The following AUTS2 variants were observed in gnomAD, a reference collection of about 807,000 sequenced individuals.
AUTS2 encodes activator of transcription and developmental regulator AUTS2.
Under a neutral mutation model 112.4 loss-of-function variants are expected in AUTS2, and 17 were observed. That is an observed-to-expected ratio of 0.15 (90% CI 0.10 to 0.23). The LOEUF is 0.23. Among genes scored for constraint, AUTS2 ranks in the 10% least tolerant of loss-of-function variants. AUTS2 has a pLI of 1.00. For missense variants in AUTS2, 1,510 were observed against 1,701.6 expected (o/e 0.89, Z 1.98); for synonymous variants, 751 against 702.7 (o/e 1.07, Z -1.09).
At chr7:70,264,480 A>G (rs1242066609) in intron 4 of AUTS2, among the ~76,000 whole-genome samples, 1 of 152,226 alleles carries the variant, frequency 6.6e-6, no homozygotes, top group Non-Finnish European at 1.5e-5. Flanking sequence ...TGCTGGGATT[A>G]CAGGCATGAG....
intron 3 of AUTS2, among the ~76,000 whole-genome samples, chr7:70,133,468 T>C (rs1258214478): frequency 6.6e-6 from 1 of 152,170 alleles, no homozygotes. Context: ...GTTACTGCTG[T>C]CTGAAGTTTC....
In AUTS2 at chr7:70,763,091, C is replaced by T. The variant is rs1789671659; in HGVS notation, c.964C>T (p.Pro322Ser). ...CCAACTCCGAGCTCCTTCTCCGGAC[C>T]CTGACTTGGTGCAGCGCACAGAGGC... ...EPQLRAPSPD[P>S]DLVQRTEAPP... The change falls in exon 7 of 19, where the codon CCT (proline) becomes TCT (serine). Residue 322 changes from proline to serine, a missense_variant. This residue lies in a region of AUTS2 where 535 missense variants were observed against 594.3 expected (regional missense o/e 0.90). Coordinates refer to ENST00000342771, the MANE Select transcript of AUTS2 (RefSeq NM_015570.4). The T allele has an allele frequency of 3.1e-6, 5 of 1,614,116 alleles. No homozygotes were observed. The highest frequency in any genetic ancestry group is 1.3e-5 in the African/African-American group (1 of 75,038).
rs528925659 is a variant in AUTS2, at chr7:70,789,372, G to A, written c.2532-376G>A. Among the ~76,000 whole-genome samples the A allele has an allele frequency of 5.9e-5, 9 of 152,252 alleles. No individual in the cohort carries two copies. In the South Asian group the frequency reaches 1.9e-3, roughly 32 times the overall value. On this transcript the variant is annotated intron_variant, in intron 18 of 18. Transcript: ENST00000342771. ...GTGATTCTTTACACTAGATGATCCC[G>A]GGAGTCCAGACAGTCGGGCTGGATT...
intron 2 of AUTS2, among the ~76,000 whole-genome samples, chr7:69,953,824 C>G (rs761889098): frequency 3.9e-5 from 6 of 152,254 alleles, no homozygotes; most frequent in African/African-American, 1.4e-4. Context: ...TAGTACCCCC[C>G]CAACTACTTT....
intron 4 of AUTS2, among the ~76,000 whole-genome samples, chr7:70,213,061 A>G (rs1256405003): frequency 1.3e-5 from 2 of 152,150 alleles, no homozygotes; most frequent in East Asian, 1.9e-4. Flanking sequence ...AAAGATAAAT[A>G]TATCAGGTGA....
At chr7:69,717,678 A>G (rs1189088781) in intron 1 of AUTS2, among the ~76,000 whole-genome samples, 2 of 152,118 alleles carry the variant, frequency 1.3e-5, no homozygotes, top group African/African-American at 4.8e-5. Flanking sequence ...TGCTTTGTGA[A>G]GGGGGTGGAG....
intron 4 of AUTS2, among the ~76,000 whole-genome samples, chr7:70,384,808 A>G (rs1793534246): frequency 6.6e-6 from 1 of 152,226 alleles, no homozygotes; most frequent in East Asian, 1.9e-4. Flanking sequence ...GGTTCTGATC[A>G]AAGCTATCTT....
intron 2 of AUTS2, among the ~76,000 whole-genome samples, chr7:70,050,752 T>C (rs1211379649): frequency 1.3e-5 from 2 of 152,210 alleles, no homozygotes; most frequent in East Asian, 1.9e-4. Context: ...TCCAGCACTT[T>C]AGGAGGCCAA....
At chr7:70,581,147 C>T (rs1314320428) in intron 5 of AUTS2, among the ~76,000 whole-genome samples, 1 of 152,100 alleles carries the variant, frequency 6.6e-6, no homozygotes, top group East Asian at 1.9e-4. Flanking sequence ...CTTTGGGAGG[C>T]CGAGGCGGGC....
At chr7:69,602,038 ATATGTGTGTGTGTGTGTGTGTGTG>A (rs1434226434) in intron 1 of AUTS2, among the ~76,000 whole-genome samples, 31 of 10,056 alleles carry the variant, frequency 3.1e-3, no homozygotes, top group Non-Finnish European at 4.3e-3. Flanking sequence ...ATATATATAT[ATATGTGTGTGTGTGTGTGTGTGTG>A]TGTGTGTGTG....
chr7:69,824,363 C>T (rs1421618258), intron 1 of AUTS2, among the ~76,000 whole-genome samples: 3 of 151,248 alleles, frequency 2.0e-5, no homozygotes, highest in African/African-American at 7.3e-5. Context: ...GAGCCGAGAT[C>T]GCGCCACCGC....
chr7:70,508,517 A>G (rs1284304216), intron 5 of AUTS2, among the ~76,000 whole-genome samples: 4 of 152,020 alleles, frequency 2.6e-5, no homozygotes, highest in African/African-American at 4.8e-5. Flanking sequence ...TCTTTTCCTC[A>G]TCCTTCCTCC....
At chr7:70,594,441 G>C (rs1435393319) in intron 5 of AUTS2, among the ~76,000 whole-genome samples, 3 of 152,188 alleles carry the variant, frequency 2.0e-5, no homozygotes, top group Non-Finnish European at 4.4e-5. Context: ...GAGAACCGGT[G>C]ATTTGATAGC....
At chr7:70,378,419 A>C (rs1335117657) in intron 4 of AUTS2, among the ~76,000 whole-genome samples, 1 of 152,250 alleles carries the variant, frequency 6.6e-6, no homozygotes. Flanking sequence ...TAAAGAATTC[A>C]GTTATTAGCT....
intron 1 of AUTS2, among the ~76,000 whole-genome samples, chr7:69,654,264 C>T (rs567343833): frequency 6.6e-6 from 1 of 152,300 alleles, no homozygotes; most frequent in African/African-American, 2.4e-5. Context: ...CCCAGTCTTG[C>T]TTGATCTAGC....
At chr7:69,780,796 T>C (rs1789112942) in intron 1 of AUTS2, among the ~76,000 whole-genome samples, 1 of 152,204 alleles carries the variant, frequency 6.6e-6, no homozygotes, top group Non-Finnish European at 1.5e-5. Flanking sequence ...TTTCCACTCT[T>C]ACTTCATTGC....
In AUTS2 at chr7:70,339,729, G is replaced by C. The variant is rs1031265787; in HGVS notation, c.661-96023G>C. ...ACATGTTTGACTGATTTAAGTCTCA[G>C]ATTGTTCAAGGTGGGGTAGAGAATA... is the stretch of plus-strand genomic sequence containing the variant. On this transcript the variant is annotated intron_variant, in intron 4 of 18. Transcript: ENST00000342771. Among the ~76,000 whole-genome samples, 48 of 152,160 alleles carry C rather than the reference G, an allele frequency of 3.2e-4. 1 individual carries two copies. Among genetic ancestry groups the C allele is most frequent in the Non-Finnish European group, 4.4e-5 (3 of 68,024 alleles).
chr7:70,729,843 G>C (rs1787262278), intron 6 of AUTS2, among the ~76,000 whole-genome samples: 1 of 147,426 alleles, frequency 6.8e-6, no homozygotes, highest in Non-Finnish European at 1.5e-5. Flanking sequence ...TCATGACACT[G>C]TTTGCCCATT....
At chr7:70,385,060 C>A (rs1455874167) in intron 4 of AUTS2, among the ~76,000 whole-genome samples, 2 of 152,176 alleles carry the variant, frequency 1.3e-5, no homozygotes, top group Admixed American at 6.5e-5. Flanking sequence ...GAGTTTCCAT[C>A]CATTGGAGTC....
Sources: gnomAD v4.1 joint callset for allele counts (sites outside exome capture counted in the v4.1 genomes callset) on GRCh38, gnomAD v4.1.1 for gene constraint, gnomAD v4.1.1 regional missense constraint, MANE v1.5 for transcripts, NCBI Gene and HGNC (gene_info 2026-07-23, HGNC 2026-07-21) for gene names.